GLIS3: variants seen among roughly 807,000 people sequenced by gnomAD.
GLIS3 encodes zinc finger protein GLIS3.
In GLIS3, 53 loss-of-function variants were observed where a neutral mutation model predicts 78.6. The observed-to-expected ratio is 0.67, with a 90% CI of 0.54 to 0.85. The LOEUF is 0.85. Ranked by LOEUF, GLIS3 falls within the 40% of genes least tolerant of loss-of-function variation. GLIS3 has a pLI of 0.00. For synonymous variants in GLIS3, 684 were observed against 509.9 expected, an observed-to-expected ratio of 1.34 and a Z score of -4.60; for missense variants, 1,703 against 1,231.1, an observed-to-expected ratio of 1.38 and a Z score of -5.74.
chr9:4,307,534 G>A lies in GLIS3; in HGVS notation n.584+1243C>T, dbSNP rs145368628. On this transcript the variant is annotated intron_variant and non_coding_transcript_variant, in intron 4 of 4. Transcript: ENST00000471664. ...GGGAGAATAATGTCCCCCCGGCCCC[G>A]CCCTGCATCCCAACAAAAAAAAATC... 1.1e-4 allele frequency among the ~76,000 whole-genome samples: 16 copies of A among 149,114 alleles called. No individual in the cohort carries two copies. In the East Asian group the frequency reaches 2.1e-3, roughly 20 times the overall value.
chr9:4,295,067 C>G (rs73641405), intron 1 of GLIS3, among the ~76,000 whole-genome samples: 2 of 152,174 alleles, frequency 1.3e-5, no homozygotes, highest in African/African-American at 4.8e-5. Context: ...AAATTCTATT[C>G]CATTCTTCTG....
chr9:4,231,699 G>A (rs1822267818), intron 2 of GLIS3, among the ~76,000 whole-genome samples: 1 of 152,198 alleles, frequency 6.6e-6, no homozygotes, highest in African/African-American at 2.4e-5. Context: ...GAAAACAGCT[G>A]TAAATCAATA....
chr9:4,409,788 G>GA, the GLIS3 span, among the ~76,000 whole-genome samples: 4 of 152,084 alleles, frequency 2.6e-5, no homozygotes, highest in Non-Finnish European at 5.9e-5. Flanking sequence ...GATTGTCAAA[G>GA]AAAAAATGTA....
At chr9:3,932,801 G>C (rs1235676154) in intron 5 of GLIS3, 2 of 440,368 alleles carry the variant, frequency 4.5e-6, no homozygotes, top group African/African-American at 4.1e-5. Context: ...TTACAGTTAT[G>C]TTTCCCTGAG....
At chr9:3,897,260 T>C (rs1822918657) in intron 7 of GLIS3, among the ~76,000 whole-genome samples, 1 of 152,174 alleles carries the variant, frequency 6.6e-6, no homozygotes, top group Admixed American at 6.5e-5. Context: ...TGTTGACTGT[T>C]GACTATTGGG....
intron 2 of GLIS3, among the ~76,000 whole-genome samples, chr9:4,328,570 C>A (rs1236137287): frequency 2.6e-5 from 4 of 152,192 alleles, no homozygotes; most frequent in African/African-American, 9.7e-5. Context: ...CCCAGAATCC[C>A]AAGAAAGATA....
chr9:4,369,551 A>G, the GLIS3 span, among the ~76,000 whole-genome samples: 8 of 152,320 alleles, frequency 5.3e-5, no homozygotes, highest in South Asian at 8.3e-4. Flanking sequence ...CATTAGCCTG[A>G]GAGTCAGAAG....
At chr9:4,080,548 C>A (rs1288795985) in intron 4 of GLIS3, among the ~76,000 whole-genome samples, 1 of 152,098 alleles carries the variant, frequency 6.6e-6, no homozygotes, top group Non-Finnish European at 1.5e-5. Flanking sequence ...AATGTGTATT[C>A]TACCCCATTT....
chr9:3,844,727 A>G (rs956997870), intron 9 of GLIS3, among the ~76,000 whole-genome samples: 1 of 152,236 alleles, frequency 6.6e-6, no homozygotes, highest in Non-Finnish European at 1.5e-5. Flanking sequence ...AGATACTTAA[A>G]TAATGTAAAA....
At chr9:4,431,047 C>A in the GLIS3 span, among the ~76,000 whole-genome samples, 4 of 152,302 alleles carry the variant, frequency 2.6e-5, no homozygotes, top group African/African-American at 9.6e-5. Flanking sequence ...AGTTGAATCC[C>A]AACCAAGTAT....
chr9:4,414,087 G>A, the GLIS3 span, among the ~76,000 whole-genome samples: 16 of 152,100 alleles, frequency 1.1e-4, no homozygotes, highest in South Asian at 2.1e-4. Context: ...TGAATCAACT[G>A]GAATGTGAAG....
At chr9:4,043,151 A>T (rs1344380578) in intron 4 of GLIS3, among the ~76,000 whole-genome samples, 6 of 152,060 alleles carry the variant, frequency 3.9e-5, no homozygotes, top group Non-Finnish European at 7.4e-5. Flanking sequence ...TCAAGGTCCC[A>T]ATTTAACTCC....
chr9:4,253,172 C>T lies in GLIS3; in HGVS notation c.388+32866G>A, dbSNP rs558859791. Among the ~76,000 whole-genome samples the T allele has an allele frequency of 9.8e-5, 15 of 152,322 alleles. No individual in the cohort carries two copies. In the South Asian group the frequency reaches 1.9e-3, roughly 19 times the overall value. ...GGAGATCCGCTGCTCTCTTCAGAGC[C>T]GGCAGGCAGGAACGTTTAAGTCTGC... On this transcript the variant is annotated intron_variant, in intron 2 of 10. Coordinates refer to ENST00000381971, the MANE Select transcript of GLIS3 (RefSeq NM_001042413.2).
At chr9:4,393,249 ACTATTT>A in the GLIS3 span, among the ~76,000 whole-genome samples, 1 of 152,080 alleles carries the variant, frequency 6.6e-6, no homozygotes, top group African/African-American at 2.4e-5. Flanking sequence ...TATTTCTGTT[ACTATTT>A]CTATTTCTAG....
In GLIS3 at chr9:4,317,461, G is replaced by C. The variant is rs144501919; in HGVS notation, n.265-6933C>G. ...CACTGCTTTAAAGGCATTTGTAATT[G>C]GTATGTCTTTAGGAAGCAGATGTCT... is the stretch of plus-strand genomic sequence containing the variant. On this transcript the variant is annotated intron_variant and non_coding_transcript_variant, in intron 2 of 4. Transcript: ENST00000471664. Among the ~76,000 whole-genome samples the C allele has an allele frequency of 1.8e-3, 272 of 152,234 alleles. 1 individual carries two copies. In the South Asian group the frequency reaches 0.019, roughly 11 times the overall value.
At chr9:3,982,957 G>C (rs1022493385) in intron 4 of GLIS3, among the ~76,000 whole-genome samples, 2 of 152,172 alleles carry the variant, frequency 1.3e-5, no homozygotes, top group Non-Finnish European at 2.9e-5. Flanking sequence ...TCAAAGTGAA[G>C]GACATTGATT....
chr9:4,060,816 CAT>C (rs1457840602), intron 4 of GLIS3, among the ~76,000 whole-genome samples: 1 of 152,188 alleles, frequency 6.6e-6, no homozygotes, highest in East Asian at 1.9e-4. Context: ...TGGACTAAGA[CAT>C]GTGACATATT....
chr9:4,140,178 G>T (rs991273904), intron 2 of GLIS3, among the ~76,000 whole-genome samples: 10 of 152,062 alleles, frequency 6.6e-5, no homozygotes, highest in Admixed American at 3.9e-4. Context: ...ACAAAAATTA[G>T]CCAGGCATGG....
At chr9:3,925,205 A>G (rs960235497) in intron 6 of GLIS3, among the ~76,000 whole-genome samples, 19 of 152,280 alleles carry the variant, frequency 1.2e-4, no homozygotes, top group African/African-American at 4.3e-4. Context: ...AACAATCTCT[A>G]TCATTTGCAA....
Sources: allele counts gnomAD v4.1 joint callset (sites outside exome capture counted in the v4.1 genomes callset), GRCh38; gene constraint gnomAD v4.1.1; transcripts MANE v1.5; gene names NCBI Gene and HGNC (gene_info 2026-07-23, HGNC 2026-07-21).